LHFPL2: variants seen among roughly 807,000 people sequenced by gnomAD.
The protein encoded by LHFPL2 is LHFPL tetraspan subfamily member 2 protein.
In LHFPL2, 7 loss-of-function variants were observed where a neutral mutation model predicts 17.5. The observed-to-expected ratio is 0.40, with a 90% CI of 0.23 to 0.75. The LOEUF is 0.75. LHFPL2 is among the 30% of genes least tolerant of loss of function. The pLI is 0.37. For missense variants in LHFPL2, 241 were observed against 294.8 expected, an observed-to-expected ratio of 0.82 and a Z score of 1.34; for synonymous variants, 134 against 116.2, an observed-to-expected ratio of 1.15 and a Z score of -0.99.
At chr5:78,617,722 G>A (rs747821124) in intron 2 of LHFPL2, among the ~76,000 whole-genome samples, 5 of 152,016 alleles carry the variant, frequency 3.3e-5, no homozygotes, top group Admixed American at 1.3e-4. Flanking sequence ...AGAGGGCGCC[G>A]GATGAAGGCA....
intron 4 of LHFPL2, chr5:78,491,342 T>C (rs1432687906): frequency 1.3e-5 from 2 of 152,348 alleles, no homozygotes; most frequent in Non-Finnish European, 2.9e-5. Flanking sequence ...GGCAATGAGT[T>C]GTAGCAAGGA....
chr5:78,589,151 G>A (rs1743535344), intron 2 of LHFPL2, among the ~76,000 whole-genome samples: 1 of 152,088 alleles, frequency 6.6e-6, no homozygotes, highest in African/African-American at 2.4e-5. Flanking sequence ...TACAAAGTGG[G>A]AGAATAATAA....
At chr5:78,608,388 A>G (rs1744299929) in intron 2 of LHFPL2, among the ~76,000 whole-genome samples, 1 of 152,200 alleles carries the variant, frequency 6.6e-6, no homozygotes, top group South Asian at 2.1e-4. Flanking sequence ...CCCAAAATGG[A>G]GACTAATAAA....
At chr5:78,530,569 A>AT (rs1463868832) in intron 3 of LHFPL2, among the ~76,000 whole-genome samples, 1 of 152,206 alleles carries the variant, frequency 6.6e-6, no homozygotes, top group African/African-American at 2.4e-5. Context: ...ACAGCAACTG[A>AT]TAAGGCCTTG....
At chr5:78,492,946 C>G (rs1168200163) in intron 4 of LHFPL2, among the ~76,000 whole-genome samples, 5 of 152,148 alleles carry the variant, frequency 3.3e-5, no homozygotes, top group Non-Finnish European at 7.4e-5. Context: ...ACTGGCGGGC[C>G]TCTGCTCCCA....
At chr5:78,583,214 G>A (rs1395546167) in intron 2 of LHFPL2, among the ~76,000 whole-genome samples, 2 of 151,450 alleles carry the variant, frequency 1.3e-5, no homozygotes, top group Non-Finnish European at 2.9e-5. Context: ...ACAGCACACT[G>A]ATGGGTCTTG....
chr5:78,549,667 A>G (rs1366627129), intron 3 of LHFPL2, among the ~76,000 whole-genome samples: 1 of 152,264 alleles, frequency 6.6e-6, no homozygotes, highest in Admixed American at 6.5e-5. Context: ...ATAGAGGCGG[A>G]GGAAGACCAC....
chr5:78,558,898 A>G (rs1424067528), intron 3 of LHFPL2, among the ~76,000 whole-genome samples: 4 of 152,138 alleles, frequency 2.6e-5, no homozygotes, highest in Admixed American at 6.5e-5. Context: ...GAGCCACAAC[A>G]TAAGAATTCT....
intron 3 of LHFPL2, among the ~76,000 whole-genome samples, chr5:78,545,399 T>A (rs1486581314): frequency 1.3e-5 from 2 of 152,158 alleles, no homozygotes; most frequent in Non-Finnish European, 2.9e-5. Context: ...AGGAAGAGAG[T>A]TAGGCACTTG....
intron 1 of LHFPL2, among the ~76,000 whole-genome samples, chr5:78,638,759 C>T (rs114228673): frequency 6.3e-4 from 96 of 152,248 alleles, no homozygotes; most frequent in African/African-American, 2.2e-3. Flanking sequence ...CTGCATGTAT[C>T]AAAGAATGAC....
intron 2 of LHFPL2, among the ~76,000 whole-genome samples, chr5:78,580,934 G>A (rs1296649268): frequency 6.6e-6 from 1 of 152,150 alleles, no homozygotes; most frequent in Non-Finnish European, 1.5e-5. Flanking sequence ...AAATTACCTT[G>A]GGCAGTATGG....
chr5:78,520,117 G>A (rs540139007), intron 3 of LHFPL2, among the ~76,000 whole-genome samples: 16 of 152,236 alleles, frequency 1.1e-4, no homozygotes, highest in African/African-American at 3.6e-4. Context: ...AGGTATAATC[G>A]TAGGTACCAA....
At position 78,510,836 on chromosome 5, in the gene LHFPL2, T is replaced by C. The variant is rs1755097214; in HGVS notation, c.-185-438A>G. On this transcript the variant is annotated intron_variant, in intron 3 of 4. Transcript: ENST00000380345. ...TTTGTTTTTAAGTTTGCAAGACTTT[T>C]TGCCTGCTGTTTTGGTACTAGGTGA... is the stretch of plus-strand genomic sequence containing the variant. 2.0e-5 allele frequency among the ~76,000 whole-genome samples: 3 copies of C among 152,248 alleles called. No homozygotes were observed. The South Asian group carries it at 6.2e-4, about 32-fold the overall frequency.
intron 3 of LHFPL2, among the ~76,000 whole-genome samples, chr5:78,519,519 A>T (rs951744796): frequency 6.6e-6 from 1 of 152,226 alleles, no homozygotes; most frequent in African/African-American, 2.4e-5. Context: ...GGCACCATGT[A>T]AGAATGATTC....
rs1477304959 is a variant in LHFPL2, at chr5:78,569,108, A to T, written c.-244-4237T>A. On this transcript the variant is annotated intron_variant, in intron 2 of 4. Coordinates refer to ENST00000380345, the MANE Select transcript of LHFPL2 (RefSeq NM_005779.3). ...GCAACCATCATTCTTATTAAGTATT[A>T]TCTCCTCATATTAAGAACAGGGGCA... Among the ~76,000 whole-genome samples, 3 of 152,136 alleles carry T rather than the reference A, an allele frequency of 2.0e-5. No homozygotes were observed. In the East Asian group the frequency reaches 5.8e-4, roughly 29 times the overall value.
intron 2 of LHFPL2, among the ~76,000 whole-genome samples, chr5:78,586,489 C>G (rs1285959046): frequency 2.6e-5 from 4 of 152,200 alleles, no homozygotes; most frequent in Non-Finnish European, 5.9e-5. Flanking sequence ...AGTCATCACA[C>G]AGCTGGTATA....
intron 3 of LHFPL2, among the ~76,000 whole-genome samples, chr5:78,546,289 G>T (rs1416566989): frequency 1.3e-5 from 2 of 152,110 alleles, no homozygotes; most frequent in African/African-American, 4.8e-5. Context: ...TCATAAAGCC[G>T]CATCTCTGGC....
At chr5:78,504,394 CCT>C (rs1754870778) in intron 4 of LHFPL2, among the ~76,000 whole-genome samples, 1 of 152,138 alleles carries the variant, frequency 6.6e-6, no homozygotes, top group Non-Finnish European at 1.5e-5. Flanking sequence ...TTCCCAAGCC[CCT>C]GTTCTGATTT....
chr5:78,545,509 T>C (rs1018672019), intron 3 of LHFPL2, among the ~76,000 whole-genome samples: 1 of 152,190 alleles, frequency 6.6e-6, no homozygotes, highest in Admixed American at 6.5e-5. Flanking sequence ...TATTCAATAC[T>C]TCCCAAGCAC....
Sources: allele counts gnomAD v4.1 joint callset (sites outside exome capture counted in the v4.1 genomes callset), GRCh38; gene constraint gnomAD v4.1.1; transcripts MANE v1.5; gene names NCBI Gene and HGNC (gene_info 2026-07-23, HGNC 2026-07-21).